The following PPP2R2B variants were observed in gnomAD, a reference collection of about 807,000 sequenced individuals.
The protein encoded by PPP2R2B is protein phosphatase 2 regulatory subunit Bbeta.
In PPP2R2B, 5 loss-of-function variants were observed where a neutral mutation model predicts 46.0. That is an observed-to-expected ratio of 0.11 (90% CI 0.06 to 0.23). PPP2R2B has a LOEUF of 0.23. PPP2R2B is among the 10% of genes least tolerant of loss of function. PPP2R2B has a pLI of 1.00. For synonymous variants in PPP2R2B, 215 were observed against 206.7 expected, an observed-to-expected ratio of 1.04 and a Z score of -0.34; for missense variants, 367 against 575.0, an observed-to-expected ratio of 0.64 and a Z score of 3.70.
intron 2 of PPP2R2B, among the ~76,000 whole-genome samples, chr5:146,757,287 T>C (rs1753892381): frequency 6.6e-6 from 1 of 152,188 alleles, no homozygotes. Flanking sequence ...GAACATGGTT[T>C]TATATAAATT....
rs935219030 is a variant in PPP2R2B, at chr5:146,588,424, T to A, written c.*1523A>T. On this transcript the variant is annotated 3_prime_UTR_variant, in exon 10 of 10. Transcript: ENST00000394411. ...CTTGAAAGTCAGGACTTCTAATACA[T>A]CTGTAAACTGAAAGAAAATTTCCCT... 1 of 152,174 alleles carries A rather than the reference T, an allele frequency of 6.6e-6. No individual in the cohort carries two copies. The highest frequency in any genetic ancestry group is 2.4e-5 in the African/African-American group (1 of 41,438). 9.4% of individuals were successfully genotyped at this position (152,174 alleles called of 1,614,324 possible). A position where few individuals can be genotyped will look rare whatever the true frequency, so the allele number is the denominator to read the frequency against.
At chr5:146,909,126 G>A (rs1763098597) in intron 1 of PPP2R2B, among the ~76,000 whole-genome samples, 1 of 152,152 alleles carries the variant, frequency 6.6e-6, no homozygotes, top group Non-Finnish European at 1.5e-5. Flanking sequence ...AGCAGGGTGA[G>A]TGACCTTGAC....
chr5:146,841,352 C>T (rs765804009), intron 2 of PPP2R2B, among the ~76,000 whole-genome samples: 14 of 152,122 alleles, frequency 9.2e-5, no homozygotes, highest in Admixed American at 1.3e-4. Flanking sequence ...TTTTTAAAGA[C>T]GCTGTTCAGT....
At chr5:147,012,138 G>A (rs940380675) in intron 1 of PPP2R2B, among the ~76,000 whole-genome samples, 26 of 150,674 alleles carry the variant, frequency 1.7e-4, no homozygotes, top group Non-Finnish European at 2.5e-4. Context: ...GATTGGAATA[G>A]TTTCAGAAGG....
At chr5:146,650,910 C>G (rs1456222140) in intron 5 of PPP2R2B, among the ~76,000 whole-genome samples, 186 bp from the exon 6 acceptor site, 1 of 152,200 alleles carries the variant, frequency 6.6e-6, no homozygotes, top group Non-Finnish European at 1.5e-5. Context: ...CCTCCTCTTT[C>G]AAAAGATATC....
chr5:146,736,752 G>A (rs995464530), intron 2 of PPP2R2B, among the ~76,000 whole-genome samples: 19 of 152,164 alleles, frequency 1.2e-4, no homozygotes, highest in Non-Finnish European at 1.5e-4. Flanking sequence ...ATACCACCAT[G>A]AGGGCACAAA....
intron 2 of PPP2R2B, among the ~76,000 whole-genome samples, chr5:146,807,393 G>T (rs1171695810): frequency 1.3e-5 from 2 of 152,004 alleles, no homozygotes; most frequent in Non-Finnish European, 2.9e-5. Context: ...GTTTGTCTTG[G>T]TTCTTCCCTA....
chr5:146,605,745 TCCC>T (rs1319708811), intron 7 of PPP2R2B, among the ~76,000 whole-genome samples: 1 of 152,356 alleles, frequency 6.6e-6, no homozygotes, highest in East Asian at 1.9e-4. Context: ...CATACCTTTC[TCCC>T]CACTCCATTT....
At chr5:146,874,376 T>TTTTTA (rs1422507938) in intron 2 of PPP2R2B, among the ~76,000 whole-genome samples, 2 of 152,212 alleles carry the variant, frequency 1.3e-5, no homozygotes, top group Non-Finnish European at 2.9e-5. Context: ...CTTTAATATG[T>TTTTTA]ATAAACAAGA....
chr5:146,722,514 CTTTGCA>C (rs1780869833), intron 2 of PPP2R2B, among the ~76,000 whole-genome samples: 1 of 152,170 alleles, frequency 6.6e-6, no homozygotes, highest in Non-Finnish European at 1.5e-5. Flanking sequence ...AGCCTGGCTG[CTTTGCA>C]CAGCCCAGCC....
intron 2 of PPP2R2B, among the ~76,000 whole-genome samples, chr5:146,858,685 C>G (rs2151390385): frequency 6.6e-6 from 1 of 152,242 alleles, no homozygotes; most frequent in East Asian, 1.9e-4. Flanking sequence ...TACCTATTTT[C>G]TTGCTCATTC....
chr5:146,819,959 G>T (rs1424101601), intron 2 of PPP2R2B, among the ~76,000 whole-genome samples: 2 of 152,108 alleles, frequency 1.3e-5, no homozygotes, highest in Admixed American at 1.3e-4. Flanking sequence ...ATAAGTCAAA[G>T]CCAGGTACAG....
At chr5:146,952,866 G>A (rs1751685420) in intron 1 of PPP2R2B, among the ~76,000 whole-genome samples, 1 of 152,138 alleles carries the variant, frequency 6.6e-6, no homozygotes. Context: ...GGATGACCTG[G>A]ATGGTTATCC....
chr5:146,915,105 A>T (rs1027144763), intron 1 of PPP2R2B, among the ~76,000 whole-genome samples: 3 of 152,216 alleles, frequency 2.0e-5, no homozygotes. Context: ...ATCTATCTTC[A>T]CTACTACCAG....
At chr5:146,881,442 T>A (rs1762165686), upstream of PPP2R2B, among the ~76,000 whole-genome samples, 1 of 152,084 alleles carries the variant, frequency 6.6e-6, no homozygotes, top group African/African-American at 2.4e-5. Flanking sequence ...TGAGCCAGAG[T>A]CTCTCTGTCA....
intron 2 of PPP2R2B, among the ~76,000 whole-genome samples, chr5:146,831,122 T>A (rs1758901646): frequency 6.6e-6 from 1 of 152,148 alleles, no homozygotes; most frequent in Non-Finnish European, 1.5e-5. Context: ...ACTATGTTAC[T>A]CGTTATGTAT....
At chr5:146,898,619 C>G (rs1210857521) in intron 1 of PPP2R2B, among the ~76,000 whole-genome samples, 2 of 146,510 alleles carry the variant, frequency 1.4e-5, no homozygotes, top group Non-Finnish European at 3.0e-5. Flanking sequence ...CCAAAATTGA[C>G]AAATGGGATC....
chr5:146,721,484 A>T (rs983909896), intron 2 of PPP2R2B, among the ~76,000 whole-genome samples: 10 of 152,202 alleles, frequency 6.6e-5, no homozygotes, highest in African/African-American at 2.2e-4. Context: ...AATAGGTAGG[A>T]TTCTCTTTGA....
intron 2 of PPP2R2B, among the ~76,000 whole-genome samples, chr5:146,756,785 C>T (rs1411848467): frequency 6.6e-6 from 1 of 152,116 alleles, no homozygotes; most frequent in Non-Finnish European, 1.5e-5. Flanking sequence ...CATTCAGTGA[C>T]TGTTGTTTGT....
Sources: gnomAD v4.1 joint callset for allele counts (sites outside exome capture counted in the v4.1 genomes callset) on GRCh38, gnomAD v4.1.1 for gene constraint, MANE v1.5 for transcripts, NCBI Gene and HGNC (gene_info 2026-07-23, HGNC 2026-07-21) for gene names.